The following THADA variants were observed in gnomAD, a reference collection of about 807,000 sequenced individuals.
THADA encodes tRNA (32-2'-O)-methyltransferase regulator THADA.
A neutral mutation model predicts 219.8 loss-of-function variants in THADA; 213 were observed. The observed-to-expected ratio is 0.97, with a 90% CI of 0.87 to 1.09. The LOEUF (loss-of-function observed/expected upper bound fraction) is 1.09, where lower values mean the gene tolerates loss of function less well. Among genes scored for constraint, THADA ranks in the 50% least tolerant of loss-of-function variants. THADA has a pLI of 0.00. For synonymous variants in THADA, 1,018 were observed against 828.9 expected, an observed-to-expected ratio of 1.23 and a Z score of -3.92; for missense variants, 2,956 against 2,311.3, an observed-to-expected ratio of 1.28 and a Z score of -5.72.
chr2:43,320,380 C>T, intron 31 of THADA, 66 bp downstream of exon 31: 4 of 1,275,054 alleles, frequency 3.1e-6, no homozygotes, highest in Non-Finnish European at 4.5e-6. Flanking sequence ...CAGAGCCACT[C>T]AAAACGCCAT....
In THADA at chr2:43,505,626, G is replaced by C; in HGVS notation, c.3617C>G (p.Pro1206Arg). 6.3e-7 allele frequency: 1 copy of C among 1,581,602 alleles called. No individual in the cohort carries two copies. Among genetic ancestry groups the C allele is most frequent in the Non-Finnish European group, 8.6e-7 (1 of 1,159,412 alleles). The change falls in exon 24 of 38, where the codon CCC (proline) becomes CGC (arginine). Residue 1206 changes from proline to arginine, a missense_variant. Physicochemically the swap from Pro to Arg is moderately radical, Grantham distance 103. Transcript: ENST00000405975. Reference sequence around the variant, plus strand: ...TTTGTGTATTTCCATGATTACCTGGGGGACTGTACTCTGTATGTCATCTGT... The same window carrying C: ...TTTGTGTATTTCCATGATTACCTGGCGGACTGTACTCTGTATGTCATCTGT... ...GPTDDIQSTV[P>R]QVHALNILRA...
intron 30 of THADA, among the ~76,000 whole-genome samples, chr2:43,341,222 T>C (rs539841543): frequency 1.3e-5 from 2 of 152,082 alleles, no homozygotes; most frequent in African/African-American, 2.4e-5. Context: ...TAATAGAGAG[T>C]TGACTGTACT....
At chr2:43,573,029 GC>G (rs1699474783) in intron 11 of THADA, 37 bp from the exon 12 acceptor site, 2 of 1,524,202 alleles carry the variant, frequency 1.3e-6, no homozygotes, top group Admixed American at 2.1e-5. Context: ...ACTGTATTAT[GC>G]AATGACTACT....
intron 36 of THADA, among the ~76,000 whole-genome samples, chr2:43,265,556 C>T (rs1329644676): frequency 6.6e-6 from 1 of 152,142 alleles, no homozygotes; most frequent in African/African-American, 2.4e-5. Flanking sequence ...CCTGTATCCC[C>T]CACGGAGTTA....
chr2:43,472,038 T>C (rs550550160), intron 26 of THADA, among the ~76,000 whole-genome samples: 75 of 152,326 alleles, frequency 4.9e-4, no homozygotes, highest in African/African-American at 1.7e-3. Context: ...AGAGTGATAT[T>C]ATACACAAGG....
At chr2:43,371,735 T>C (rs575001335) in intron 29 of THADA, among the ~76,000 whole-genome samples, 1 of 152,312 alleles carries the variant, frequency 6.6e-6, no homozygotes, top group East Asian at 1.9e-4. Context: ...CAACTAAAAC[T>C]ATTTTGCTGT....
rs1466029338 is a variant in THADA at position 43,515,294 on chromosome 2, A to G, written c.3375-6514T>C. 1.2e-4 allele frequency among the ~76,000 whole-genome samples: 8 copies of G among 66,812 alleles called. No homozygotes were observed. The East Asian group carries it at 2.6e-3, about 22-fold the overall frequency. 43.8% of individuals were successfully genotyped at this position (66,812 alleles called of 152,430 possible). The stretch of plus-strand genomic sequence containing the variant: ...TAATATATAATATATTATATATAAT[A>G]TATAATATGTAATATATAATATTTT... On this transcript the variant is annotated intron_variant, in intron 22 of 37. Coordinates refer to ENST00000405975, the MANE Select transcript of THADA (RefSeq NM_022065.5).
intron 29 of THADA, among the ~76,000 whole-genome samples, chr2:43,363,780 C>T (rs1017491201): frequency 2.0e-5 from 3 of 152,116 alleles, no homozygotes; most frequent in South Asian, 2.1e-4. Flanking sequence ...TCTCCAAACA[C>T]GAGGATTCGT....
intron 23 of THADA, among the ~76,000 whole-genome samples, chr2:43,507,813 C>A (rs1196772076): frequency 1.3e-5 from 2 of 152,048 alleles, no homozygotes; most frequent in Admixed American, 6.6e-5. Flanking sequence ...GGTTTTTATT[C>A]TTTGGGTTCA....
intron 1 of THADA, chr2:43,593,025 C>G (rs1701746071): frequency 6.6e-6 from 1 of 152,162 alleles, no homozygotes; most frequent in Admixed American, 6.5e-5. Flanking sequence ...ACTAATAGTA[C>G]CATGCCATCT....
chr2:43,385,055 C>G (rs6733102), intron 29 of THADA, among the ~76,000 whole-genome samples: 5 of 151,776 alleles, frequency 3.3e-5, no homozygotes, highest in Non-Finnish European at 7.4e-5. Flanking sequence ...GCAGGAGAAT[C>G]GCTTGAACCT....
chr2:43,309,633 G>GA (rs1303940909), intron 31 of THADA, among the ~76,000 whole-genome samples: 8 of 151,072 alleles, frequency 5.3e-5, no homozygotes, highest in East Asian at 2.0e-4. Context: ...ACTAGAAATG[G>GA]AAAAAAACTT....
intron 29 of THADA, among the ~76,000 whole-genome samples, chr2:43,353,643 CT>C (rs1373087948): frequency 6.6e-6 from 1 of 151,968 alleles, no homozygotes; most frequent in Non-Finnish European, 1.5e-5. Flanking sequence ...TGTAGGTTGC[CT>C]TTTTTCACAT....
chr2:43,278,345 G>A (rs1015055376), intron 36 of THADA, among the ~76,000 whole-genome samples: 2 of 152,168 alleles, frequency 1.3e-5, no homozygotes, highest in African/African-American at 4.8e-5. Flanking sequence ...CTACTTTTCA[G>A]TCTAAAGAAA....
At chr2:43,468,468 GC>G (rs1176673572) in intron 26 of THADA, among the ~76,000 whole-genome samples, 1 of 152,074 alleles carries the variant, frequency 6.6e-6, no homozygotes, top group Non-Finnish European at 1.5e-5. Flanking sequence ...TTTTTTAAAG[GC>G]CCTAAGAGAA....
Position 43,592,057 on chromosome 2 carries a change from T to C in THADA, c.77-11A>G, listed in dbSNP as rs553188153. The stretch of plus-strand genomic sequence containing the variant: ...CCACATCAGCAAAAGCTATATAACA[T>C]ATACAAAAAAAAATTTTCAATGATT... On this transcript the variant is annotated splice_polypyrimidine_tract_variant and intron_variant, in intron 2 of 37. Coordinates refer to ENST00000405975, the MANE Select transcript of THADA (RefSeq NM_022065.5). 90 of 1,523,480 alleles carry C rather than the reference T, an allele frequency of 5.9e-5. No individual in the cohort carries two copies. In the South Asian group the frequency reaches 6.1e-4, roughly 10 times the overall value. The allele number at this position is 1,523,480 out of a possible 1,614,324, so 94.4% of individuals were successfully genotyped here. A position where few individuals can be genotyped will look rare whatever the true frequency, so the allele number is the denominator to read the frequency against.
chr2:43,309,517 C>T, intron 31 of THADA, among the ~76,000 whole-genome samples: 1 of 152,222 alleles, frequency 6.6e-6, no homozygotes, highest in East Asian at 1.9e-4. Flanking sequence ...TCACAACTCA[C>T]ACCATATTGA....
chr2:43,248,473 C>T (rs1558465300), intron 36 of THADA, among the ~76,000 whole-genome samples: 1 of 152,070 alleles, frequency 6.6e-6, no homozygotes, highest in Non-Finnish European at 1.5e-5. Context: ...CTCAGGAGAT[C>T]TGCCCGCCTT....
At chr2:43,339,307 G>A (rs145859470) in intron 30 of THADA, among the ~76,000 whole-genome samples, 1 of 152,340 alleles carries the variant, frequency 6.6e-6, no homozygotes, top group East Asian at 1.9e-4. Context: ...TTGAGACAGA[G>A]TCTTTCTCTG....
Sources: allele counts gnomAD v4.1 joint callset (sites outside exome capture counted in the v4.1 genomes callset), GRCh38; gene constraint gnomAD v4.1.1; transcripts MANE v1.5; gene names NCBI Gene and HGNC (gene_info 2026-07-23, HGNC 2026-07-21).